Variants in COX4I2 observed in about 807,000 individuals in gnomAD.
COX4I2 encodes cytochrome c oxidase subunit 4 isoform 2, mitochondrial.
Under a neutral mutation model 20.8 loss-of-function variants are expected in COX4I2, and 15 were observed. The observed-to-expected ratio is 0.72, with a 90% confidence interval of 0.48 to 1.11. COX4I2 has a LOEUF of 1.11. Ranked by LOEUF, COX4I2 falls within the 50% of genes most tolerant of loss-of-function variation. The pLI is 0.00. For missense variants in COX4I2, 224 were observed against 223.0 expected, an observed-to-expected ratio of 1.00 and a Z score of -0.03; for synonymous variants, 80 against 78.1, an observed-to-expected ratio of 1.02 and a Z score of -0.13.
In COX4I2 at chr20:31,639,939, G is replaced by A. The variant is rs1214260369; in HGVS notation, c.89G>A (p.Gly30Asp). The change falls in exon 3 of 5, where the codon GGT becomes GAT. Residue 30 changes from glycine (G) to aspartate (D), a missense_variant. Gly to Asp is a moderately conservative substitution (Grantham distance 94, BLOSUM62 -1). Transcript: ENST00000376075. The part of the protein sequence containing the change: ...GMHSSEGTTR[G>D]GGKMSPYTNC... ...CCCTCCATTGTGTCTGCAGCCCGTGGTGGGGGGAAGATGTCCCCCTACACC... is the reference window on the plus strand; with the variant it reads ...CCCTCCATTGTGTCTGCAGCCCGTGATGGGGGGAAGATGTCCCCCTACACC... 1 of 1,613,970 alleles carries A rather than the reference G, an allele frequency of 6.2e-7. No individual in the cohort carries two copies. Among genetic ancestry groups the A allele is most frequent in the African/African-American group, 1.3e-5 (1 of 74,918 alleles).
chr20:31,644,658 T>C (rs2060485773), intron 4 of COX4I2, 110 bp from the exon 5 acceptor site: 6 of 1,270,742 alleles, frequency 4.7e-6, no homozygotes, highest in Admixed American at 1.8e-5. Flanking sequence ...CCCTGGAGTA[T>C]CTTGTACCGT....
At chr20:31,639,886 G>T in intron 2 of COX4I2, 47 bp from the exon 3 acceptor site, 2 of 1,608,682 alleles carry the variant, frequency 1.2e-6, no homozygotes, top group Non-Finnish European at 8.5e-7. Context: ...TAGAGATAGG[G>T]TGTCCCAAGG....
In COX4I2 at chr20:31,643,449, G is replaced by T; in HGVS notation, c.293G>T (p.Arg98Leu). 1 of 1,614,132 alleles carries T rather than the reference G, an allele frequency of 6.2e-7. No homozygotes were observed. The highest frequency in any genetic ancestry group is 1.1e-5 in the South Asian group (1 of 91,084). Residue 98 changes from arginine (R) to leucine (L), a missense_variant, in exon 4 of 5, where the codon CGC (arginine) becomes CTC (leucine). By Grantham distance (102) the Arg-to-Leu change is moderately radical. Transcript: ENST00000376075. Reference protein sequence around the residue: ...FNETFAEMNRRSNEWKTVMGC... With the variant: ...FNETFAEMNRLSNEWKTVMGC... ...GAGACCTTTGCGGAGATGAACCGTCGCTCCAATGAGTGGAAGACAGTGATG... is the reference window on the plus strand; with the variant it reads ...GAGACCTTTGCGGAGATGAACCGTCTCTCCAATGAGTGGAAGACAGTGATG...
intron 1 of COX4I2, among the ~76,000 whole-genome samples, chr20:31,638,484 C>CA (rs1313033185): frequency 1.3e-5 from 2 of 150,674 alleles, no homozygotes; most frequent in African/African-American, 4.9e-5. Context: ...AGTCCCCACC[C>CA]CAACCAGATC....
chr20:31,644,879 A>G lies in COX4I2; in HGVS notation c.491A>G (p.Tyr164Cys). The part of the protein sequence containing the change: ...PVQGLASRWD[Y>C]EKKQWKK ...CAGGGCCTGGCCTCCCGCTGGGACTATGAGAAGAAGCAGTGGAAGAAGTGA... is the reference window on the plus strand; with the variant it reads ...CAGGGCCTGGCCTCCCGCTGGGACTGTGAGAAGAAGCAGTGGAAGAAGTGA... The change falls in exon 5 of 5, where the codon TAT becomes TGT. Residue 164 changes from tyrosine (Y) to cysteine (C), a missense_variant. Transcript: ENST00000376075. 1.2e-6 allele frequency: 2 copies of G among 1,614,084 alleles called. No individual in the cohort carries two copies. Among genetic ancestry groups the G allele is most frequent in the Non-Finnish European group, 1.7e-6 (2 of 1,179,974 alleles).
intron 3 of COX4I2, among the ~76,000 whole-genome samples, chr20:31,640,851 A>C (rs1011366058): frequency 6.6e-6 from 1 of 151,916 alleles, no homozygotes; most frequent in Non-Finnish European, 1.5e-5. Context: ...AATACCATGC[A>C]CTGGGAATGC....
At position 31,644,762 on chromosome 20, in the gene COX4I2, C is replaced by T. The variant is rs2060486343; in HGVS notation, c.380-6C>T. 2 of 1,613,948 alleles carry T rather than the reference C, an allele frequency of 1.2e-6. No individual in the cohort carries two copies. Among genetic ancestry groups the T allele is most frequent in the African/African-American group, 1.3e-5 (1 of 75,008 alleles). ...GATCCTGATCCACCCCATGTACTCCCTGCAGTATTTCCTCCAAAGCCGATC... is the reference window on the plus strand; with the variant it reads ...GATCCTGATCCACCCCATGTACTCCTTGCAGTATTTCCTCCAAAGCCGATC... On this transcript the variant is annotated splice_polypyrimidine_tract_variant and splice_region_variant and intron_variant, in intron 4 of 4. Transcript: ENST00000376075.
chr20:31,642,423 G>T (rs964507763), intron 3 of COX4I2, among the ~76,000 whole-genome samples: 2 of 147,990 alleles, frequency 1.4e-5, no homozygotes, highest in South Asian at 2.1e-4. Flanking sequence ...GATTACACAC[G>T]TAGGGTAATT....
At chr20:31,641,545 ACAGTG>A (rs2060468158) in intron 3 of COX4I2, among the ~76,000 whole-genome samples, 1 of 152,224 alleles carries the variant, frequency 6.6e-6, no homozygotes, top group East Asian at 1.9e-4. Context: ...GCAGTCACTT[ACAGTG>A]GTTGCACAGC....
rs1177103828 is a variant in COX4I2 at position 31,640,041 on chromosome 20, T to TGAAGGA, written c.203_208dup (p.Glu68_Lys69dup). The TGAAGGA allele has an allele frequency of 1.2e-6, 2 of 1,613,778 alleles. No homozygotes were observed. The highest frequency in any genetic ancestry group is 1.1e-5 in the South Asian group (1 of 91,070). On this transcript the variant is annotated inframe_insertion, in exon 3 of 5. Transcript: ENST00000376075. ...GAACTCAACGCTGAGGAGCAGGCCCTGAAGGAGAAGGAGAAGGGAAGCTGG... is the reference window on the plus strand; with the variant it reads ...GAACTCAACGCTGAGGAGCAGGCCCTGAAGGAGAAGGAGAAGGAGAAGGGAAGCTGG...
At chr20:31,643,747 G>C (rs1384128664) in intron 4 of COX4I2, among the ~76,000 whole-genome samples, 3 of 152,166 alleles carry the variant, frequency 2.0e-5, no homozygotes, top group Admixed American at 1.3e-4. Flanking sequence ...TCTAAAATGG[G>C]AATAGTAATG....
chr20:31,643,151 T>C (rs2060477653), intron 3 of COX4I2, among the ~76,000 whole-genome samples: 1 of 152,228 alleles, frequency 6.6e-6, no homozygotes, highest in South Asian at 2.1e-4. Flanking sequence ...TCACCTCCTC[T>C]GAGACACCTT....
Position 31,644,799 on chromosome 20 carries a change from C to A in COX4I2, c.411C>A (p.Asp137Glu). Residue 137 changes from aspartate to glutamate, a missense_variant, in exon 5 of 5, where the codon GAC becomes GAA. Physicochemically the swap from Asp to Glu is conservative, Grantham distance 45 (BLOSUM62 2). Coordinates refer to ENST00000376075, the MANE Select transcript of COX4I2 (RefSeq NM_032609.3). ...VFPPKPITLT[D>E]ERKAQQLQRM... ...CTCCAAAGCCGATCACCTTGACGGA[C>A]GAGCGGAAAGCCCAGCAGCTGCAGC... The A allele has an allele frequency of 2.0e-5, 33 of 1,614,082 alleles. No homozygotes were observed. Among genetic ancestry groups the A allele is most frequent in the Non-Finnish European group, 2.8e-5 (33 of 1,180,010 alleles).
At chr20:31,642,431 A>ATTTTTT (rs57483570) in intron 3 of COX4I2, among the ~76,000 whole-genome samples, 3 of 88,840 alleles carry the variant, frequency 3.4e-5, no homozygotes, top group African/African-American at 5.5e-5. Context: ...ACGTAGGGTA[A>ATTTTTT]TTTTTTTTTT....
intron 3 of COX4I2, 68 bp downstream of exon 3, chr20:31,640,165 C>T (rs2060459739): frequency 1.3e-6 from 2 of 1,514,132 alleles, no homozygotes; most frequent in African/African-American, 1.4e-5. Flanking sequence ...AATGGCCTGT[C>T]AGGGATCAGA....
intron 3 of COX4I2, among the ~76,000 whole-genome samples, chr20:31,641,971 G>T (rs957955957): frequency 2.0e-5 from 3 of 152,010 alleles, no homozygotes; most frequent in African/African-American, 7.3e-5. Context: ...CTCCCAAAGT[G>T]CTGGGATTAC....
In COX4I2 at chr20:31,643,508, C is replaced by T. The variant is rs924106121; in HGVS notation, c.352C>T (p.Leu118=). The part of the protein sequence containing the change: ...CVFFFIGFAA[L]VIWWQRVYVF... ...CTTCTTCTTCATTGGATTCGCAGCT[C>T]TGGTGATTTGGTGGCAGCGGGTCTA... Residue 118 remains leucine (L), a synonymous_variant, in exon 4 of 5, where the codon CTG becomes TTG. Coordinates refer to ENST00000376075, the MANE Select transcript of COX4I2 (RefSeq NM_032609.3). The T allele has an allele frequency of 6.2e-7, 1 of 1,614,166 alleles. No homozygotes were observed. The highest frequency in any genetic ancestry group is 1.1e-5 in the South Asian group (1 of 91,082).
chr20:31,643,832 G>T (rs2060481617), intron 4 of COX4I2, among the ~76,000 whole-genome samples: 1 of 152,172 alleles, frequency 6.6e-6, no homozygotes, highest in Non-Finnish European at 1.5e-5. Context: ...AGTCATGAAT[G>T]GTGTTGTAAC....
chr20:31,643,353 A>G (rs751568724), intron 3 of COX4I2, 51 bp from the exon 4 acceptor site: 3 of 1,611,824 alleles, frequency 1.9e-6, no homozygotes, highest in African/African-American at 1.3e-5. Flanking sequence ...AGCCGGGATC[A>G]CTTAGAGTGG....
Sources: gnomAD v4.1 joint callset for allele counts (sites outside exome capture counted in the v4.1 genomes callset) on GRCh38, gnomAD v4.1.1 for gene constraint, MANE v1.5 for transcripts, NCBI Gene and HGNC (gene_info 2026-07-23, HGNC 2026-07-21) for gene names.